NFIL3: variants seen among roughly 807,000 people sequenced by gnomAD.
The protein encoded by NFIL3 is nuclear factor interleukin-3-regulated protein.
NFIL3 carries 5 observed loss-of-function variants against 10.0 expected under a neutral mutation model. The ratio of observed to expected loss-of-function variants is 0.50; its 90% CI spans 0.26 to 1.06. The LOEUF (loss-of-function observed/expected upper bound fraction) is 1.06, where lower values mean the gene tolerates loss of function less well. Among genes scored for constraint, NFIL3 ranks in the 50% least tolerant of loss-of-function variants. The pLI, the probability that NFIL3 is intolerant of heterozygous loss-of-function variation, is 0.13. For synonymous variants in NFIL3, 202 were observed against 206.5 expected, an observed-to-expected ratio of 0.98 and a Z score of 0.19; for missense variants, 436 against 547.6, an observed-to-expected ratio of 0.80 and a Z score of 2.03.
intron 1 of NFIL3, among the ~76,000 whole-genome samples, chr9:91,412,015 T>C (rs1185399409): frequency 1.4e-5 from 2 of 145,458 alleles, no homozygotes; most frequent in Non-Finnish European, 3.0e-5. Flanking sequence ...GGCAGGAGAA[T>C]TGCTTGAACC....
chr9:91,461,939 T>C, the NFIL3 span, among the ~76,000 whole-genome samples: 1 of 152,078 alleles, frequency 6.6e-6, no homozygotes, highest in African/African-American at 2.4e-5. Context: ...TATAGGTAGG[T>C]AATCACGGTC....
chr9:91,411,307 G>A (rs1434113286), intron 1 of NFIL3, among the ~76,000 whole-genome samples: 2 of 152,156 alleles, frequency 1.3e-5, no homozygotes, highest in Admixed American at 6.5e-5. Flanking sequence ...CATGCATACC[G>A]TGGTGCTTCT....
chr9:91,447,961 G>T, the NFIL3 span, among the ~76,000 whole-genome samples: 3 of 152,226 alleles, frequency 2.0e-5, no homozygotes, highest in Non-Finnish European at 2.9e-5. Flanking sequence ...GAGTTTTATG[G>T]TTTAGCTCTC....
the NFIL3 span, among the ~76,000 whole-genome samples, chr9:91,453,654 T>C: frequency 6.6e-6 from 1 of 152,158 alleles, no homozygotes; most frequent in Middle Eastern, 3.4e-3. Flanking sequence ...AACATTACAC[T>C]AAGGCAATCA....
At chr9:91,478,637 C>T in the NFIL3 span, among the ~76,000 whole-genome samples, 5 of 152,088 alleles carry the variant, frequency 3.3e-5, no homozygotes, top group Non-Finnish European at 5.9e-5. Flanking sequence ...CTGAAGCCTA[C>T]TTCTGTCAAT....
At chr9:91,424,691 C>A (rs10820852), upstream of NFIL3, among the ~76,000 whole-genome samples, 52,533 of 152,124 alleles carry the variant, frequency 0.35, 10,359 homozygotes, top group African/African-American at 0.55. Flanking sequence ...TCGCTGAGGT[C>A]CATCTACCCA....
intron 1 of NFIL3, among the ~76,000 whole-genome samples, chr9:91,422,201 G>C (rs1000796044): frequency 6.6e-6 from 1 of 152,172 alleles, no homozygotes; most frequent in African/African-American, 2.4e-5. Flanking sequence ...CGGGCGCTGC[G>C]AAATGCCTTC....
chr9:91,474,130 A>G, the NFIL3 span, among the ~76,000 whole-genome samples: 7 of 149,376 alleles, frequency 4.7e-5, no homozygotes, highest in Non-Finnish European at 1.0e-4. Context: ...CTTTGTCCCT[A>G]GTTTGCTAGG....
the NFIL3 span, among the ~76,000 whole-genome samples, chr9:91,445,859 G>A: frequency 6.6e-6 from 1 of 152,080 alleles, no homozygotes; most frequent in African/African-American, 2.4e-5. Flanking sequence ...CTTAGCTCAG[G>A]GGTAGGTTGT....
the NFIL3 span, among the ~76,000 whole-genome samples, chr9:91,482,507 A>T: frequency 6.6e-6 from 1 of 151,116 alleles, no homozygotes; most frequent in Non-Finnish European, 1.5e-5. Flanking sequence ...ACCAAAAAAA[A>T]TTTTTTTTTG....
At chr9:91,412,979 T>C (rs1407693726) in intron 1 of NFIL3, among the ~76,000 whole-genome samples, 2 of 152,220 alleles carry the variant, frequency 1.3e-5, no homozygotes, top group Non-Finnish European at 2.9e-5. Context: ...GCCAGCTTCT[T>C]TTGTCTTTTC....
At chr9:91,421,141 G>A (rs1350637487) in intron 1 of NFIL3, among the ~76,000 whole-genome samples, 2 of 151,768 alleles carry the variant, frequency 1.3e-5, no homozygotes, top group Admixed American at 6.6e-5. Context: ...AACAGGCGCG[G>A]AGTCAGGCCC....
At chr9:91,452,243 C>T in the NFIL3 span, among the ~76,000 whole-genome samples, 7 of 152,218 alleles carry the variant, frequency 4.6e-5, no homozygotes, top group South Asian at 2.1e-4. Context: ...CAGGAAGCTT[C>T]ATCTGCATAA....
At chr9:91,421,547 A>G (rs1833768475) in intron 1 of NFIL3, among the ~76,000 whole-genome samples, 2 of 151,862 alleles carry the variant, frequency 1.3e-5, no homozygotes, top group Non-Finnish European at 2.9e-5. Flanking sequence ...GCCCGCCACT[A>G]CCAGACCCGC....
chr9:91,453,001 C>G, the NFIL3 span, among the ~76,000 whole-genome samples: 1 of 151,994 alleles, frequency 6.6e-6, no homozygotes. Flanking sequence ...GCTGTGATAA[C>G]ACAGTATCAC....
At chr9:91,474,401 A>T in the NFIL3 span, among the ~76,000 whole-genome samples, 1 of 152,046 alleles carries the variant, frequency 6.6e-6, no homozygotes, top group South Asian at 2.1e-4. Context: ...TTGGTGTATA[A>T]TTTAGGTTTT....
chr9:91,456,286 A>AT, the NFIL3 span, among the ~76,000 whole-genome samples: 1 of 152,072 alleles, frequency 6.6e-6, no homozygotes, highest in Non-Finnish European at 1.5e-5. Flanking sequence ...TTAATGGTTA[A>AT]TTTTTTTAGA....
At chr9:91,415,007 G>T (rs1039774758) in intron 1 of NFIL3, among the ~76,000 whole-genome samples, 1 of 152,208 alleles carries the variant, frequency 6.6e-6, no homozygotes, top group African/African-American at 2.4e-5. Context: ...GAATTGTAAA[G>T]AAGATATTTT....
At chr9:91,424,272 G>A (rs1307551458), upstream of NFIL3, among the ~76,000 whole-genome samples, 1 of 152,162 alleles carries the variant, frequency 6.6e-6, no homozygotes, top group East Asian at 1.9e-4. Context: ...TGCTCGCAGA[G>A]GCGCTTTTTG....
Sources: allele counts gnomAD v4.1 joint callset (sites outside exome capture counted in the v4.1 genomes callset), GRCh38; gene constraint gnomAD v4.1.1; transcripts MANE v1.5; gene names NCBI Gene and HGNC (gene_info 2026-07-23, HGNC 2026-07-21).